The following IGFL2 variants were observed in gnomAD, a reference collection of about 807,000 sequenced individuals.
The protein encoded by IGFL2 is insulin growth factor-like family member 2.
IGFL2 carries 7 observed loss-of-function variants against 13.9 expected under a neutral mutation model. The ratio of observed to expected loss-of-function variants is 0.51; its 90% confidence interval spans 0.29 to 0.95. The LOEUF is 0.95. Ranked by LOEUF, IGFL2 falls within the 40% of genes least tolerant of loss-of-function variation. The pLI, the probability that IGFL2 is intolerant of heterozygous loss-of-function variation, is 0.08. For synonymous variants in IGFL2, 55 were observed against 55.8 expected, an observed-to-expected ratio of 0.99 and a Z score of 0.07; for missense variants, 138 against 147.8, an observed-to-expected ratio of 0.93 and a Z score of 0.34.
At chr19:46,192,169 G>C in the IGFL2 span, among the ~76,000 whole-genome samples, 1 of 152,170 alleles carries the variant, frequency 6.6e-6, no homozygotes, top group East Asian at 1.9e-4. Context: ...TGGGGTGCAG[G>C]TGCCCTGTGG....
At chr19:46,151,298 G>C (rs1427405350) in intron 1 of IGFL2, among the ~76,000 whole-genome samples, 1 of 152,150 alleles carries the variant, frequency 6.6e-6, no homozygotes, top group Non-Finnish European at 1.5e-5. Context: ...TCCTCTTTCT[G>C]CCCACTCTTT....
At chr19:46,212,729 C>CTCTT in the IGFL2 span, 1 of 151,978 alleles carries the variant, frequency 6.6e-6, no homozygotes, top group East Asian at 1.9e-4. Context: ...CTCTCTCTCT[C>CTCTT]TCTCTCTCCT....
At chr19:46,089,593 C>A in the IGFL2 span, among the ~76,000 whole-genome samples, 3,042 of 150,326 alleles carry the variant, frequency 0.02, 105 homozygotes, top group African/African-American at 0.069. Flanking sequence ...CTGAGCAAGT[C>A]TTATCTCTCC....
intron 1 of IGFL2, 170 bp from the exon 2 acceptor site, chr19:46,160,245 G>A: frequency 1.6e-6 from 1 of 620,636 alleles, no homozygotes; most frequent in Admixed American, 2.7e-5. Flanking sequence ...TGGCCCTGCT[G>A]TCTGGACTCT....
At chr19:46,194,847 TATA>T in the IGFL2 span, among the ~76,000 whole-genome samples, 12 of 38,560 alleles carry the variant, frequency 3.1e-4, no homozygotes, top group Non-Finnish European at 4.2e-4. Context: ...TATATATATA[TATA>T]TATTTTTTTT....
chr19:46,169,344 T>C, the IGFL2 span, among the ~76,000 whole-genome samples: 1 of 152,216 alleles, frequency 6.6e-6, no homozygotes, highest in Non-Finnish European at 1.5e-5. Context: ...ATCAAGATTG[T>C]TTCAATTGAA....
At chr19:46,170,155 G>C in the IGFL2 span, among the ~76,000 whole-genome samples, 1 of 151,922 alleles carries the variant, frequency 6.6e-6, no homozygotes, top group Non-Finnish European at 1.5e-5. Flanking sequence ...TTACTAAGTG[G>C]GTGCACCGAG....
At chr19:46,092,336 A>AT in the IGFL2 span, among the ~76,000 whole-genome samples, 84 of 146,766 alleles carry the variant, frequency 5.7e-4, no homozygotes, top group Middle Eastern at 3.5e-3. Flanking sequence ...ATTAAAAAAA[A>AT]TTTTTTTTTT....
At chr19:46,182,610 C>T in the IGFL2 span, among the ~76,000 whole-genome samples, 4 of 152,124 alleles carry the variant, frequency 2.6e-5, no homozygotes, top group South Asian at 4.1e-4. Context: ...AAACTCCATC[C>T]GTTCCGTGCA....
the IGFL2 span, among the ~76,000 whole-genome samples, chr19:46,122,906 G>C: frequency 2.0e-5 from 3 of 150,482 alleles, no homozygotes; most frequent in African/African-American, 2.5e-5. Flanking sequence ...ATCTTCCAAG[G>C]GTTTGTTTAG....
the IGFL2 span, among the ~76,000 whole-genome samples, chr19:46,175,017 G>C: frequency 2.6e-5 from 4 of 152,072 alleles, no homozygotes; most frequent in African/African-American, 9.7e-5. Flanking sequence ...CAAATATTGT[G>C]ATATTTGAAG....
chr19:46,204,100 A>C, the IGFL2 span: 1 of 152,184 alleles, frequency 6.6e-6, no homozygotes, highest in Non-Finnish European at 1.5e-5. Context: ...GGTGGAAATC[A>C]TACCCGGATG....
At chr19:46,121,948 A>C in the IGFL2 span, among the ~76,000 whole-genome samples, 1 of 150,932 alleles carries the variant, frequency 6.6e-6, no homozygotes, top group Non-Finnish European at 1.5e-5. Context: ...CTGCATTTTT[A>C]AAATGTAAAA....
At chr19:46,147,319 C>G (rs751477061), upstream of IGFL2, among the ~76,000 whole-genome samples, 14 of 152,152 alleles carry the variant, frequency 9.2e-5, no homozygotes, top group Non-Finnish European at 1.8e-4. Context: ...TATGGAAGGA[C>G]AGAATATACT....
At chr19:46,144,350 C>T (rs1356484597), upstream of IGFL2, among the ~76,000 whole-genome samples, 4 of 152,148 alleles carry the variant, frequency 2.6e-5, no homozygotes, top group African/African-American at 9.7e-5. Context: ...TTCTGGCAGT[C>T]GACCCTCAAG....
chr19:46,185,041 G>A, the IGFL2 span, among the ~76,000 whole-genome samples: 1 of 152,176 alleles, frequency 6.6e-6, no homozygotes, highest in Non-Finnish European at 1.5e-5. Flanking sequence ...CTGCATAAAT[G>A]TCTTCTTTTG....
At chr19:46,172,384 G>T in the IGFL2 span, among the ~76,000 whole-genome samples, 3 of 152,158 alleles carry the variant, frequency 2.0e-5, no homozygotes, top group Non-Finnish European at 4.4e-5. Flanking sequence ...GACTCCTGAG[G>T]GAATGTATAC....
chr19:46,135,306 T>C, the IGFL2 span, among the ~76,000 whole-genome samples: 1 of 152,208 alleles, frequency 6.6e-6, no homozygotes, highest in East Asian at 1.9e-4. Flanking sequence ...ACATTGCTTT[T>C]GATGATCATG....
the IGFL2 span, among the ~76,000 whole-genome samples, chr19:46,133,988 C>T: frequency 6.6e-6 from 1 of 152,098 alleles, no homozygotes; most frequent in Admixed American, 6.6e-5. Flanking sequence ...GCTGGTAGGG[C>T]TTTTTTTATT....
Sources: gnomAD v4.1 joint callset for allele counts (sites outside exome capture counted in the v4.1 genomes callset) on GRCh38, gnomAD v4.1.1 for gene constraint, MANE v1.5 for transcripts, NCBI Gene and HGNC (gene_info 2026-07-23, HGNC 2026-07-21) for gene names.